The following CHST11 variants were observed in gnomAD, a reference collection of about 807,000 sequenced individuals.
CHST11 encodes the protein C4S-1.
Under a neutral mutation model 30.4 loss-of-function variants are expected in CHST11, and 9 were observed. The ratio of observed to expected loss-of-function variants is 0.30; its 90% CI spans 0.18 to 0.52. The LOEUF (loss-of-function observed/expected upper bound fraction) is 0.52. CHST11 is among the 20% of genes least tolerant of loss of function. The probability of loss-of-function intolerance (pLI) is 0.97; values close to 1 mark genes in which losing one functional copy is unlikely to be tolerated. For missense variants in CHST11, 348 were observed against 460.6 expected (o/e 0.76, Z 2.24); for synonymous variants, 152 against 187.8 (o/e 0.81, Z 1.56).
At chr12:104,728,310 G>A (rs2040231563) in intron 2 of CHST11, among the ~76,000 whole-genome samples, 1 of 152,190 alleles carries the variant, frequency 6.6e-6, no homozygotes, top group African/African-American at 2.4e-5. Flanking sequence ...GCCCGGAGGA[G>A]CATGATGGAT....
chr12:104,557,292 A>T lies in CHST11; in HGVS notation c.119-44614A>T, dbSNP rs1368129193. 2.0e-5 allele frequency among the ~76,000 whole-genome samples: 3 copies of T among 152,168 alleles called. No individual in the cohort carries two copies. In the East Asian group the frequency reaches 5.8e-4, roughly 29 times the overall value. On this transcript the variant is annotated intron_variant, in intron 1 of 2. Transcript: ENST00000303694. ...GGTTCTCTGGGCTGTGCACCTGGGA[A>T]CAGGGCTCCTTCACCGCTCATCACC...
At chr12:104,709,908 A>G (rs1712636080) in intron 2 of CHST11, among the ~76,000 whole-genome samples, 1 of 152,202 alleles carries the variant, frequency 6.6e-6, no homozygotes, top group Non-Finnish European at 1.5e-5. Context: ...TGTTATTCAA[A>G]ACTTTCAGCT....
intron 2 of CHST11, among the ~76,000 whole-genome samples, chr12:104,653,493 A>C (rs1301864497): frequency 6.6e-6 from 1 of 152,190 alleles, no homozygotes; most frequent in Non-Finnish European, 1.5e-5. Flanking sequence ...TAGTGCTAAA[A>C]TGTGTACTCA....
At chr12:104,639,388 A>G (rs1364302658) in intron 2 of CHST11, among the ~76,000 whole-genome samples, 1 of 152,226 alleles carries the variant, frequency 6.6e-6, no homozygotes, top group Non-Finnish European at 1.5e-5. Flanking sequence ...ATGGATACAC[A>G]AAATATGGTA....
At chr12:104,723,493 G>A (rs923245615) in intron 2 of CHST11, among the ~76,000 whole-genome samples, 16 of 152,186 alleles carry the variant, frequency 1.1e-4, no homozygotes, top group Non-Finnish European at 2.2e-4. Flanking sequence ...CACTCACTCC[G>A]ATAAATCACT....
chr12:104,745,341 A>C (rs576748116), intron 2 of CHST11, among the ~76,000 whole-genome samples: 15 of 152,250 alleles, frequency 9.9e-5, no homozygotes, highest in African/African-American at 3.6e-4. Context: ...TTCGGTTACT[A>C]TAGCCCTGTA....
chr12:104,571,686 A>C (rs1249508744), intron 1 of CHST11, among the ~76,000 whole-genome samples: 1 of 152,122 alleles, frequency 6.6e-6, no homozygotes, highest in Non-Finnish European at 1.5e-5. Context: ...GGACCGTATC[A>C]CCTCTCATCA....
intron 2 of CHST11, among the ~76,000 whole-genome samples, chr12:104,697,230 G>C (rs758960852): frequency 3.9e-5 from 6 of 152,166 alleles, no homozygotes; most frequent in Non-Finnish European, 5.9e-5. Flanking sequence ...TTAATTTTTT[G>C]TGACAATGTG....
At chr12:104,733,779 T>C (rs1165178491) in intron 2 of CHST11, among the ~76,000 whole-genome samples, 2 of 152,230 alleles carry the variant, frequency 1.3e-5, no homozygotes, top group Non-Finnish European at 2.9e-5. Flanking sequence ...GGGAGATTGG[T>C]TGGCTGCACT....
intron 2 of CHST11, among the ~76,000 whole-genome samples, chr12:104,691,556 C>T (rs374997069): frequency 6.8e-6 from 1 of 146,552 alleles, no homozygotes; most frequent in Non-Finnish European, 1.5e-5. Flanking sequence ...GGTGTGATCT[C>T]GGCTCACTGC....
intron 1 of CHST11, among the ~76,000 whole-genome samples, chr12:104,478,903 G>A (rs1186998179): frequency 1.3e-5 from 2 of 152,146 alleles, no homozygotes; most frequent in Non-Finnish European, 2.9e-5. Flanking sequence ...TAGTGGGAGA[G>A]GCAGTGAACT....
intron 2 of CHST11, among the ~76,000 whole-genome samples, chr12:104,667,529 G>T (rs1240258975): frequency 1.3e-5 from 2 of 152,178 alleles, no homozygotes; most frequent in Non-Finnish European, 2.9e-5. Context: ...CCGTCATTTG[G>T]GAAGGAGCCA....
At chr12:104,642,945 T>C (rs926332834) in intron 2 of CHST11, among the ~76,000 whole-genome samples, 3 of 152,244 alleles carry the variant, frequency 2.0e-5, no homozygotes, top group African/African-American at 7.2e-5. Flanking sequence ...CTAATTACTT[T>C]CAAAAGTATT....
chr12:104,526,830 C>A (rs990331625), intron 1 of CHST11, among the ~76,000 whole-genome samples: 4 of 152,192 alleles, frequency 2.6e-5, no homozygotes, highest in Admixed American at 2.0e-4. Context: ...GACTCCTCCC[C>A]ACAGGGGATG....
chr12:104,504,508 A>G (rs550668769), intron 1 of CHST11, among the ~76,000 whole-genome samples: 2 of 152,130 alleles, frequency 1.3e-5, no homozygotes, highest in African/African-American at 4.8e-5. Context: ...GGGTCTGGTG[A>G]CTTCAAAGTA....
chr12:104,635,005 G>A (rs2039310301), intron 2 of CHST11, among the ~76,000 whole-genome samples: 1 of 152,300 alleles, frequency 6.6e-6, no homozygotes, highest in Middle Eastern at 3.4e-3. Flanking sequence ...CTCCTGGGTT[G>A]CAGAATTTAA....
At position 104,757,042 on chromosome 12, in the gene CHST11, A is replaced by G. The variant is rs1276006485; in HGVS notation, c.298A>G (p.Arg100Gly). The G allele has an allele frequency of 6.2e-7, 1 of 1,614,088 alleles. No homozygotes were observed. Among genetic ancestry groups the G allele is most frequent in the Non-Finnish European group, 8.5e-7 (1 of 1,180,024 alleles). Residue 100 changes from arginine (R) to glycine (G), a missense_variant, in exon 3 of 3, where the codon AGG becomes GGG. Transcript: ENST00000303694. This position sits in a 1 kb window ranked among gnomAD's most constrained non-coding sequence, Gnocchi z 6.5. Reference protein sequence around the residue: ...RANSATSRKRRVLTPNDLKHL... With the variant: ...RANSATSRKRGVLTPNDLKHL... Reference sequence around the variant, plus strand: ...CAACAGCGCCACAAGCCGTAAGCGGAGGGTGCTGACCCCCAACGACCTGAA... The same window carrying G: ...CAACAGCGCCACAAGCCGTAAGCGGGGGGTGCTGACCCCCAACGACCTGAA...
chr12:104,756,698 C>T (rs2136149530), intron 2 of CHST11, among the ~76,000 whole-genome samples: 1 of 152,140 alleles, frequency 6.6e-6, no homozygotes, highest in Middle Eastern at 3.4e-3. Flanking sequence ...CAGGTGTGCG[C>T]CACCATGCCT....
At chr12:104,567,740 C>A (rs530685287) in intron 1 of CHST11, among the ~76,000 whole-genome samples, 1 of 152,170 alleles carries the variant, frequency 6.6e-6, no homozygotes, top group Non-Finnish European at 1.5e-5. Flanking sequence ...GTGTACCCCC[C>A]ACAAATTCAA....
Sources: gnomAD v4.1 joint callset for allele counts (sites outside exome capture counted in the v4.1 genomes callset) on GRCh38, gnomAD v4.1.1 for gene constraint, Gnocchi (gnomAD v3.1) non-coding constraint, MANE v1.5 for transcripts, NCBI Gene and HGNC (gene_info 2026-07-23, HGNC 2026-07-21) for gene names.